The following ADAMTS9 variants were observed in gnomAD, a reference collection of about 807,000 sequenced individuals.
ADAMTS9 encodes the protein A disintegrin and metalloproteinase with thrombospondin motifs 9.
Under a neutral mutation model 257.1 loss-of-function variants are expected in ADAMTS9, and 107 were observed. That is an observed-to-expected ratio of 0.42 (90% CI 0.36 to 0.49). The LOEUF (loss-of-function observed/expected upper bound fraction) is 0.49, where lower values mean the gene tolerates loss of function less well. ADAMTS9 is among the 20% of genes least tolerant of loss of function. The pLI is 0.03. For missense variants in ADAMTS9, 2,353 were observed against 2,469.1 expected (o/e 0.95, Z 1.00); for synonymous variants, 982 against 880.9 (o/e 1.11, Z -2.03).
chr3:64,637,368 T>C (rs1700526190), intron 12 of ADAMTS9, among the ~76,000 whole-genome samples: 1 of 152,184 alleles, frequency 6.6e-6, no homozygotes, highest in Non-Finnish European at 1.5e-5. Flanking sequence ...TAAGATCCTT[T>C]TAAAATATTG....
intron 28 of ADAMTS9, among the ~76,000 whole-genome samples, chr3:64,585,994 C>T (rs1576081475): frequency 6.6e-6 from 1 of 152,122 alleles, no homozygotes; most frequent in East Asian, 1.9e-4. Context: ...ACCCTTTCCA[C>T]TCATGTTACA....
chr3:64,643,824 G>A (rs1424049534), intron 11 of ADAMTS9, among the ~76,000 whole-genome samples: 1 of 151,230 alleles, frequency 6.6e-6, no homozygotes, highest in Non-Finnish European at 1.5e-5. Flanking sequence ...ATCCTGGGAT[G>A]TATTTTATAC....
intron 12 of ADAMTS9, among the ~76,000 whole-genome samples, chr3:64,639,748 G>A (rs531970259): frequency 1.3e-5 from 2 of 152,104 alleles, no homozygotes; most frequent in Admixed American, 6.5e-5. Flanking sequence ...CATCATATTA[G>A]TTGTTACGAT....
rs1225444805 is a variant in ADAMTS9 at position 64,686,223 on chromosome 3, A to T, written c.516+345T>A. On this transcript the variant is annotated intron_variant, in intron 2 of 39. Coordinates refer to ENST00000498707, the MANE Select transcript of ADAMTS9 (RefSeq NM_182920.2). The surrounding 1 kb of genome is among the most constrained non-coding windows in gnomAD (Gnocchi z 4.6). ...TCAGCGGCTCCGCTCCCGGGTGGCC[A>T]AGTTTGCTGCAGGGAACCGCAACTC... is the stretch of plus-strand genomic sequence containing the variant. Among the ~76,000 whole-genome samples the T allele has an allele frequency of 6.6e-6, 1 of 152,224 alleles. No homozygotes were observed. The highest frequency in any genetic ancestry group is 1.9e-4 in the East Asian group (1 of 5,176).
chr3:64,599,493 T>A (rs138795238), intron 26 of ADAMTS9, among the ~76,000 whole-genome samples: 1 of 152,184 alleles, frequency 6.6e-6, no homozygotes, highest in Non-Finnish European at 1.5e-5. Context: ...CAAATCAACA[T>A]CCTTTTCCTT....
At chr3:64,642,848 C>A (rs933735946) in intron 11 of ADAMTS9, among the ~76,000 whole-genome samples, 1 of 152,052 alleles carries the variant, frequency 6.6e-6, no homozygotes, top group Non-Finnish European at 1.5e-5. Context: ...AGGGAGGACA[C>A]AGCCACCAAG....
intron 30 of ADAMTS9, among the ~76,000 whole-genome samples, chr3:64,554,429 G>A (rs980246161): frequency 6.6e-6 from 1 of 152,134 alleles, no homozygotes; most frequent in South Asian, 2.1e-4. Flanking sequence ...CCTAACTAGG[G>A]TATGGGGGCT....
chr3:64,647,174 C>T (rs1700817308), intron 11 of ADAMTS9, among the ~76,000 whole-genome samples: 1 of 151,778 alleles, frequency 6.6e-6, no homozygotes, highest in Admixed American at 6.6e-5. Context: ...TGGTAAGTTA[C>T]AGATAGAATG....
chr3:64,550,749 G>A, intron 31 of ADAMTS9, 143 bp downstream of exon 31: 2 of 995,310 alleles, frequency 2.0e-6, no homozygotes, highest in East Asian at 5.1e-5. Flanking sequence ...CTGAGGACTT[G>A]TCAGAAAACA....
At chr3:64,656,099 C>A (rs372744551) in intron 4 of ADAMTS9, 15 of 436,156 alleles carry the variant, frequency 3.4e-5, no homozygotes, top group South Asian at 2.1e-4. Context: ...ATTTAAATTC[C>A]TCTGAAATTG....
chr3:64,584,839 TA>T (rs1340110105), intron 28 of ADAMTS9, among the ~76,000 whole-genome samples: 1 of 152,154 alleles, frequency 6.6e-6, no homozygotes. Flanking sequence ...CCATCATCTC[TA>T]AAACTCTTTT....
intron 28 of ADAMTS9, among the ~76,000 whole-genome samples, chr3:64,580,674 T>C (rs985469224): frequency 6.6e-6 from 1 of 152,158 alleles, no homozygotes; most frequent in Non-Finnish European, 1.5e-5. Flanking sequence ...CATTCAAAAC[T>C]AAGTGAAATG....
chr3:64,530,845 T>A (rs2082972293), intron 38 of ADAMTS9, among the ~76,000 whole-genome samples: 1 of 152,118 alleles, frequency 6.6e-6, no homozygotes, highest in Non-Finnish European at 1.5e-5. Context: ...GACAGGCAAA[T>A]TTTTTGGTTC....
At chr3:64,529,484 G>C (rs2082950392) in intron 38 of ADAMTS9, among the ~76,000 whole-genome samples, 1 of 152,044 alleles carries the variant, frequency 6.6e-6, no homozygotes, top group South Asian at 2.1e-4. Flanking sequence ...ATGATTATTT[G>C]AGAGCTGAAA....
At chr3:64,560,808 T>C (rs1291552596) in intron 30 of ADAMTS9, among the ~76,000 whole-genome samples, 1 of 152,192 alleles carries the variant, frequency 6.6e-6, no homozygotes, top group Admixed American at 6.5e-5. Flanking sequence ...TCTCTGCACC[T>C]CAAGCAGCAT....
chr3:64,680,938 C>A (rs1176422523), intron 3 of ADAMTS9, among the ~76,000 whole-genome samples: 1 of 152,128 alleles, frequency 6.6e-6, no homozygotes. Flanking sequence ...GTGGCTCTTC[C>A]CATAGAGGGC....
intron 3 of ADAMTS9, among the ~76,000 whole-genome samples, chr3:64,674,639 G>T (rs1701580358): frequency 6.6e-6 from 1 of 152,182 alleles, no homozygotes; most frequent in Non-Finnish European, 1.5e-5. Flanking sequence ...TGTGGTGAAA[G>T]TGCAGGCAGA....
At chr3:64,585,867 C>A (rs2084135920) in intron 28 of ADAMTS9, among the ~76,000 whole-genome samples, 1 of 152,074 alleles carries the variant, frequency 6.6e-6, no homozygotes, top group Admixed American at 6.6e-5. Context: ...ATATTCATTC[C>A]TGATTTTCTT....
At position 64,642,106 on chromosome 3, in the gene ADAMTS9, A is replaced by C. The variant is rs1700660832; in HGVS notation, c.1711-113T>G. 2.1e-5 allele frequency: 25 copies of C among 1,209,060 alleles called. No homozygotes were observed. The South Asian group carries it at 3.1e-4, about 15-fold the overall frequency. 74.9% of individuals were successfully genotyped at this position (1,209,060 alleles called of 1,614,324 possible). A position where few individuals can be genotyped will look rare whatever the true frequency, so the allele number is the denominator to read the frequency against. On this transcript the variant is annotated intron_variant, in intron 11 of 39. Coordinates refer to ENST00000498707, the MANE Select transcript of ADAMTS9 (RefSeq NM_182920.2). The stretch of plus-strand genomic sequence containing the variant: ...ATTCTTTTCCATGTGTGGGTTTGAA[A>C]TGCTGCAGGTTCATCATCTATATGA...
Sources: gnomAD v4.1 joint callset for allele counts (sites outside exome capture counted in the v4.1 genomes callset) on GRCh38, gnomAD v4.1.1 for gene constraint, Gnocchi (gnomAD v3.1) non-coding constraint, MANE v1.5 for transcripts, NCBI Gene and HGNC (gene_info 2026-07-23, HGNC 2026-07-21) for gene names.